DRC11: variants seen among roughly 807,000 people sequenced by gnomAD.
DRC11 encodes IQ and AAA domain-containing protein 1.
chr2:236,325,474 A>G, the DRC11 span, among the ~76,000 whole-genome samples: 1 of 152,182 alleles, frequency 6.6e-6, no homozygotes, highest in Non-Finnish European at 1.5e-5. This position sits in a 1 kb window ranked among gnomAD's most constrained non-coding sequence, Gnocchi z 4.4. Context: ...GAACCTCTTT[A>G]GGGCACACAT....
the DRC11 span, among the ~76,000 whole-genome samples, chr2:236,334,777 A>G: frequency 2.6e-5 from 4 of 152,082 alleles, no homozygotes; most frequent in Admixed American, 1.3e-4. This position sits in a 1 kb window ranked among gnomAD's most constrained non-coding sequence, Gnocchi z 7.8. Context: ...TGAAGCCTGG[A>G]ATTGCAGAAA....
At chr2:236,333,545 G>T in the DRC11 span, among the ~76,000 whole-genome samples, 1 of 152,156 alleles carries the variant, frequency 6.6e-6, no homozygotes, top group Non-Finnish European at 1.5e-5. This position sits in a 1 kb window ranked among gnomAD's most constrained non-coding sequence, Gnocchi z 6.0. Flanking sequence ...AGAGTCACAG[G>T]TAAGGCCCCA....
the DRC11 span, among the ~76,000 whole-genome samples, chr2:236,336,891 G>C: frequency 6.6e-6 from 1 of 152,214 alleles, no homozygotes; most frequent in African/African-American, 2.4e-5. The surrounding 1 kb of genome is among the most constrained non-coding windows in gnomAD (Gnocchi z 7.3). Flanking sequence ...CTTGACCACA[G>C]AGGGTGGTGA....
chr2:236,427,783 TA>T, the DRC11 span, among the ~76,000 whole-genome samples: 2 of 152,198 alleles, frequency 1.3e-5, no homozygotes, highest in East Asian at 3.9e-4. This position sits in a 1 kb window ranked among gnomAD's most constrained non-coding sequence, Gnocchi z 5.9. Flanking sequence ...TTGTACTTAA[TA>T]ATAGTTTGTT....
At chr2:236,450,853 T>C in the DRC11 span, among the ~76,000 whole-genome samples, 1 of 152,202 alleles carries the variant, frequency 6.6e-6, no homozygotes, top group Non-Finnish European at 1.5e-5. Context: ...TCCAGTGCCA[T>C]TTGTCCTTCC....
the DRC11 span, among the ~76,000 whole-genome samples, chr2:236,421,455 T>C: frequency 2.0e-5 from 3 of 147,722 alleles, no homozygotes; most frequent in African/African-American, 7.4e-5. Flanking sequence ...AACTAGAAAA[T>C]CTAGAAGAAA....
chr2:236,354,268 T>C, the DRC11 span, among the ~76,000 whole-genome samples: 1,859 of 151,496 alleles, frequency 0.012, 44 homozygotes, highest in African/African-American at 0.043. Context: ...CATGTGTGCG[T>C]GTGTGTGTAT....
chr2:236,321,295 T>C, the DRC11 span, among the ~76,000 whole-genome samples: 3 of 152,132 alleles, frequency 2.0e-5, no homozygotes, highest in Admixed American at 6.5e-5. Context: ...GGTATATCTA[T>C]AAAGTGGGGT....
the DRC11 span, chr2:236,363,891 A>G: frequency 1.2e-6 from 2 of 1,613,990 alleles, no homozygotes; most frequent in South Asian, 1.1e-5. The surrounding 1 kb of genome is among the most constrained non-coding windows in gnomAD (Gnocchi z 5.6). Context: ...TGCAGATGGC[A>G]TGGACCAGCA....
the DRC11 span, among the ~76,000 whole-genome samples, chr2:236,345,079 T>TA: frequency 1.8e-5 from 2 of 111,320 alleles, no homozygotes; most frequent in Admixed American, 8.8e-5. Flanking sequence ...TGCTTCCCTC[T>TA]GGGGTGTGCA....
At chr2:236,429,407 T>C in the DRC11 span, among the ~76,000 whole-genome samples, 1 of 152,174 alleles carries the variant, frequency 6.6e-6, no homozygotes, top group Non-Finnish European at 1.5e-5. This position sits in a 1 kb window ranked among gnomAD's most constrained non-coding sequence, Gnocchi z 5.9. Flanking sequence ...CATGCACATG[T>C]AGCTACAGGG....
At chr2:236,459,672 CGTAT>C in the DRC11 span, among the ~76,000 whole-genome samples, 1 of 142,856 alleles carries the variant, frequency 7.0e-6, no homozygotes, top group African/African-American at 2.6e-5. Flanking sequence ...TACGTATATA[CGTAT>C]ATATGTATAT....
chr2:236,356,985 T>G, the DRC11 span, among the ~76,000 whole-genome samples: 9 of 100,836 alleles, frequency 8.9e-5, no homozygotes, highest in South Asian at 1.9e-3. Flanking sequence ...ATTCATATAT[T>G]ATATATCTAT....
chr2:236,493,698 C>T, the DRC11 span: 6 of 1,248,546 alleles, frequency 4.8e-6, no homozygotes, highest in Non-Finnish European at 4.4e-6. Context: ...GTTGCTCACA[C>T]AATTAGGAGC....
the DRC11 span, among the ~76,000 whole-genome samples, chr2:236,459,727 C>T: frequency 7.0e-6 from 1 of 142,704 alleles, no homozygotes; most frequent in Non-Finnish European, 1.5e-5. Context: ...GAGAAAAGGA[C>T]TGGAAGGAAA....
the DRC11 span, among the ~76,000 whole-genome samples, chr2:236,443,345 C>T: frequency 2.6e-5 from 4 of 152,126 alleles, no homozygotes; most frequent in Non-Finnish European, 4.4e-5. The surrounding 1 kb of genome is among the most constrained non-coding windows in gnomAD (Gnocchi z 4.4). Flanking sequence ...CCGCAACACC[C>T]CTGCCCCAAC....
chr2:236,367,833 G>A, the DRC11 span: 1 of 311,518 alleles, frequency 3.2e-6, no homozygotes, highest in Non-Finnish European at 6.2e-6. The surrounding 1 kb of genome is among the most constrained non-coding windows in gnomAD (Gnocchi z 4.8). Context: ...CTCTGTTTAG[G>A]ACCTAGTAAT....
At chr2:236,368,453 C>A in the DRC11 span, 2 of 591,254 alleles carry the variant, frequency 3.4e-6, no homozygotes, top group Non-Finnish European at 6.0e-6. Context: ...AAGAACACAT[C>A]TTTTCTCAGA....
the DRC11 span, among the ~76,000 whole-genome samples, chr2:236,349,516 C>T: frequency 6.6e-6 from 1 of 152,138 alleles, no homozygotes; most frequent in African/African-American, 2.4e-5. This position sits in a 1 kb window ranked among gnomAD's most constrained non-coding sequence, Gnocchi z 5.5. Flanking sequence ...GGTACATATA[C>T]ACCATGGAAC....
Sources: gnomAD v4.1 joint callset for allele counts (sites outside exome capture counted in the v4.1 genomes callset) on GRCh38, gnomAD v4.1.1 for gene constraint, Gnocchi (gnomAD v3.1) non-coding constraint, MANE v1.5 for transcripts, NCBI Gene and HGNC (gene_info 2026-07-23, HGNC 2026-07-21) for gene names.